RPAP1: variants seen among roughly 807,000 people sequenced by gnomAD.
RPAP1 encodes RNA polymerase II-associated protein 1.
RPAP1 carries 109 observed loss-of-function variants against 142.4 expected under a neutral mutation model. The observed-to-expected ratio is 0.77, with a 90% CI of 0.66 to 0.90. The LOEUF is 0.90. Ranked by LOEUF, RPAP1 falls within the 40% of genes least tolerant of loss-of-function variation. The probability of loss-of-function intolerance (pLI) is 0.00; values close to 1 mark genes in which losing one functional copy is unlikely to be tolerated. For synonymous variants in RPAP1, 704 were observed against 738.9 expected (o/e 0.95, Z 0.77); for missense variants, 1,546 against 1,751.7 (o/e 0.88, Z 2.10).
rs868109750 is a variant in RPAP1 at position 41,535,841 on chromosome 15, T to C, written c.421-209A>G. Among the ~76,000 whole-genome samples, 12 of 152,348 alleles carry C rather than the reference T, an allele frequency of 7.9e-5. 1 individual carries two copies. In the South Asian group the frequency reaches 2.3e-3, roughly 29 times the overall value. ...ACTTGGGTTGAAGTTCTGGCTCTTC[T>C]ACCTATTAGATGTGTGGTGTTGGAC... On this transcript the variant is annotated intron_variant, in intron 4 of 24. Transcript: ENST00000304330.
Position 41,522,786 on chromosome 15 carries a change from G to T in RPAP1, c.2721C>A (p.Ile907=). 1 of 1,567,252 alleles carries T rather than the reference G, an allele frequency of 6.4e-7. No individual in the cohort carries two copies. Among genetic ancestry groups the T allele is most frequent in the Non-Finnish European group, 8.6e-7 (1 of 1,165,088 alleles). ...LLSLLNTLAQ[I]HKGLCGQLAA... The stretch of plus-strand genomic sequence containing the variant: ...TTACCTGGCCACACAGCCCCTTGTG[G>T]ATCTGGGCCAGGGTATTAAGAAGAG... Residue 907 remains isoleucine (I), a synonymous_variant, in exon 19 of 25, where the codon ATC becomes ATA. Coordinates refer to ENST00000304330, the MANE Select transcript of RPAP1 (RefSeq NM_015540.4).
Position 41,517,284 on chromosome 15 carries a change from C to T in RPAP1, c.*258G>A, listed in dbSNP as rs1244533503. Reference sequence around the variant, plus strand: ...GTAAGAAGGGATGCATTTAGTTTGCCCTGTCCCCAAAGAGCGGGTAAATAG... The same window carrying T: ...GTAAGAAGGGATGCATTTAGTTTGCTCTGTCCCCAAAGAGCGGGTAAATAG... On this transcript the variant is annotated 3_prime_UTR_variant, in exon 25 of 25. Coordinates refer to ENST00000304330, the MANE Select transcript of RPAP1 (RefSeq NM_015540.4). 1.4e-5 allele frequency: 5 copies of T among 355,900 alleles called. No individual in the cohort carries two copies. The highest frequency in any genetic ancestry group is 1.7e-4 in the South Asian group (2 of 12,002). 22.0% of individuals were successfully genotyped at this position (355,900 alleles called of 1,614,324 possible).
At chr15:41,518,879 CAAAA>C (rs1051462301) in intron 22 of RPAP1, among the ~76,000 whole-genome samples, 1 of 152,054 alleles carries the variant, frequency 6.6e-6, no homozygotes, top group Non-Finnish European at 1.5e-5. Context: ...ATCTTAAAAA[CAAAA>C]AACAAAATAC....
rs535108697 is a variant in RPAP1, at chr15:41,530,394, G to C, written c.944-415C>G. Among the ~76,000 whole-genome samples, 189 of 152,280 alleles carry C rather than the reference G, an allele frequency of 1.2e-3. 2 individuals carry two copies. In the South Asian group the frequency reaches 0.022, roughly 18 times the overall value. The stretch of plus-strand genomic sequence containing the variant: ...GAGGAGGCAACTATACTGCTCCTGG[G>C]GGGCAGGATACAGAAACAAATCCCA... On this transcript the variant is annotated intron_variant, in intron 7 of 24. Coordinates refer to ENST00000304330, the MANE Select transcript of RPAP1 (RefSeq NM_015540.4).
intron 1 of RPAP1, among the ~76,000 whole-genome samples, chr15:41,543,201 C>CTTTTTT (rs71104794): frequency 6.3e-5 from 5 of 78,932 alleles, no homozygotes; most frequent in Non-Finnish European, 1.1e-4. Context: ...CAATGCTGTC[C>CTTTTTT]TTTTTTTTTT....
intron 17 of RPAP1, 77 bp from the exon 18 acceptor site, chr15:41,523,431 C>T: frequency 1.0e-6 from 1 of 965,504 alleles, no homozygotes; most frequent in Non-Finnish European, 1.6e-6. Context: ...AGGCCAATGC[C>T]ACCATCCCAA....
Position 41,526,904 on chromosome 15 carries a change from G to A in RPAP1, c.1911C>T (p.Ala637=). The change falls in exon 14 of 25, where the codon GCC becomes GCT. Residue 637 remains alanine, a synonymous_variant. Transcript: ENST00000304330. ...TGCCCTGTGTCCTGCTCACCAGCCG[G>A]GCAGCAATATTCCTCCCAGCTGAGG... ...VLASAGRNIA[A]RLLSSFDLRS... The A allele has an allele frequency of 6.2e-7, 1 of 1,610,950 alleles. No homozygotes were observed. Among genetic ancestry groups the A allele is most frequent in the East Asian group, 2.2e-5 (1 of 44,754 alleles).
chr15:41,525,298 TATTA>T (rs2051780131), intron 14 of RPAP1, 150 bp from the exon 15 acceptor site: 2 of 402,830 alleles, frequency 5.0e-6, no homozygotes, highest in Admixed American at 8.8e-5. Flanking sequence ...CCTTCCTTCT[TATTA>T]TTTATTTAAA....
At chr15:41,530,750 G>A (rs371925042) in intron 7 of RPAP1, among the ~76,000 whole-genome samples, 12 of 152,252 alleles carry the variant, frequency 7.9e-5, no homozygotes, top group East Asian at 3.9e-4. Flanking sequence ...ATAGTCTGCC[G>A]GGAGCGGGTG....
chr15:41,525,946 G>A (rs1412892318), intron 14 of RPAP1, among the ~76,000 whole-genome samples: 4 of 149,470 alleles, frequency 2.7e-5, no homozygotes, highest in African/African-American at 4.9e-5. Flanking sequence ...GAGCCACCGC[G>A]CCCGGCCCTA....
intron 7 of RPAP1, among the ~76,000 whole-genome samples, chr15:41,530,294 C>A (rs2051835056): frequency 6.6e-6 from 1 of 152,020 alleles, no homozygotes; most frequent in South Asian, 2.1e-4. Flanking sequence ...GAAGGAGGAC[C>A]ACATATGTCA....
At position 41,529,950 on chromosome 15, in the gene RPAP1, C is replaced by G. The variant is rs371219388; in HGVS notation, c.973G>C (p.Glu325Gln). The G allele has an allele frequency of 5.0e-6, 8 of 1,614,038 alleles. No individual in the cohort carries two copies. The highest frequency in any genetic ancestry group is 6.8e-6 in the Non-Finnish European group (8 of 1,180,022). ...ALALPVTPQK[E>Q]WLHMDTVELE... ...TCGACAGTGTCCATGTGCAGCCATT[C>G]TTTCTGAGGGGTCACGGGCAATGCC... The change falls in exon 8 of 25, where the codon GAA becomes CAA. Residue 325 changes from glutamate (E) to glutamine (Q), a missense_variant. Physicochemically the swap from Glu to Gln is conservative, Grantham distance 29. Around this residue, in one of 3 missense-constraint regions of RPAP1, gnomAD observed 1,333 missense variants for 1,486.6 expected, o/e 0.90. Transcript: ENST00000304330.
Position 41,535,601 on chromosome 15 carries a change from A to T in RPAP1, c.452T>A (p.Ile151Asn), listed in dbSNP as rs1315039682. ...GKSATSGKRSIFAQEIAARRI... is the reference protein window; with the variant it reads ...GKSATSGKRSNFAQEIAARRI... ...CCTTGCCGCAATTTCCTGGGCAAAG[A>T]TGCTTCTCTTACCAGATGTTGCTGA... Residue 151 changes from isoleucine to asparagine, a missense_variant, in exon 5 of 25, where the codon ATC becomes AAC. Ile to Asn is a moderately radical substitution (Grantham distance 149). Transcript: ENST00000304330. 1 of 1,613,940 alleles carries T rather than the reference A, an allele frequency of 6.2e-7. No homozygotes were observed. The highest frequency in any genetic ancestry group is 1.3e-5 in the African/African-American group (1 of 74,922).
Position 41,523,826 on chromosome 15 carries a change from A to C in RPAP1, c.2381T>G (p.Val794Gly). The change falls in exon 17 of 25, where the codon GTG becomes GGG. Residue 794 changes from valine (V) to glycine (G), a missense_variant. Physicochemically the swap from Val to Gly is moderately radical, Grantham distance 109. Coordinates refer to ENST00000304330, the MANE Select transcript of RPAP1 (RefSeq NM_015540.4). ...CAGGAACAACAGGCAGGCAACGGGC[A>C]CTGGGCCCACGGCTCTCCACATCTC... ...RPEMWRAVGP[V>G]PVACLLFLGA... The C allele has an allele frequency of 6.2e-7, 1 of 1,609,722 alleles. No individual in the cohort carries two copies. Among genetic ancestry groups the C allele is most frequent in the South Asian group, 1.1e-5 (1 of 90,052 alleles).
Position 41,521,764 on chromosome 15 carries a change from G to A in RPAP1, c.3012C>T (p.Ser1004=). The A allele has an allele frequency of 3.1e-6, 5 of 1,614,174 alleles. No individual in the cohort carries two copies. In the South Asian group the frequency reaches 5.5e-5, roughly 18 times the overall value. The change falls in exon 21 of 25, where the codon AGC becomes AGT. Residue 1004 remains serine, a synonymous_variant. Transcript: ENST00000304330. ...GGAGGAACTCCAGCCGGAATACACA[G>A]CTCAGCAGCAGCTCATGGGTGAGGT... ...SEYLTHELLL[S]CVFRLEFLPE...
At position 41,518,170 on chromosome 15, in the gene RPAP1, G is replaced by A. The variant is rs1309289527; in HGVS notation, c.3808C>T (p.Leu1270=). ...TCAGGAGGCACTGTGTAACACTCCA[G>A]GGACACAGGCAACTGTGACAGGGGA... ...SLPLTQLPVS[L]ECYTVPPEDN... The change falls in exon 23 of 25, where the codon CTG becomes TTG. Residue 1270 remains leucine (L), a synonymous_variant. Transcript: ENST00000304330. 2 of 1,568,806 alleles carry A rather than the reference G, an allele frequency of 1.3e-6. No homozygotes were observed. Among genetic ancestry groups the A allele is most frequent in the Non-Finnish European group, 1.7e-6 (2 of 1,162,422 alleles).
intron 1 of RPAP1, among the ~76,000 whole-genome samples, chr15:41,543,234 A>AT (rs1467403257): frequency 9.4e-6 from 1 of 106,434 alleles, no homozygotes; most frequent in Non-Finnish European, 1.8e-5. Flanking sequence ...TTTGAGACAG[A>AT]TTCTCCCTCT....
intron 19 of RPAP1, 147 bp from the exon 20 acceptor site, chr15:41,522,397 T>G (rs909478079): frequency 9.0e-6 from 7 of 774,706 alleles, no homozygotes; most frequent in African/African-American, 1.8e-5. Flanking sequence ...ACTTTCTTTT[T>G]GGTTTTTTTT....
chr15:41,539,710 C>G (rs539816348), intron 1 of RPAP1, among the ~76,000 whole-genome samples: 1 of 152,060 alleles, frequency 6.6e-6, no homozygotes, highest in African/African-American at 2.4e-5. Context: ...GATTACAGGC[C>G]TGAGCTACTG....
Sources: allele counts gnomAD v4.1 joint callset (sites outside exome capture counted in the v4.1 genomes callset), GRCh38; gene constraint gnomAD v4.1.1; regional missense constraint gnomAD v4.1.1; transcripts MANE v1.5; gene names NCBI Gene and HGNC (gene_info 2026-07-23, HGNC 2026-07-21).